The following VRK2 variants were observed in gnomAD, a reference collection of about 807,000 sequenced individuals.
VRK2 encodes the protein serine/threonine-protein kinase VRK2.
Under a neutral mutation model 57.6 loss-of-function variants are expected in VRK2, and 60 were observed. The observed-to-expected ratio is 1.04, with a 90% CI of 0.85 to 1.29. The LOEUF is 1.29. Among genes scored for constraint, VRK2 ranks in the 50% most tolerant of loss-of-function variants. The pLI, the probability that VRK2 is intolerant of heterozygous loss-of-function variation, is 0.00. For synonymous variants in VRK2, 231 were observed against 199.2 expected, an observed-to-expected ratio of 1.16 and a Z score of -1.35; for missense variants, 705 against 588.1, an observed-to-expected ratio of 1.20 and a Z score of -2.06.
At chr2:58,056,012 T>C (rs1318456268) in intron 2 of VRK2, among the ~76,000 whole-genome samples, 1 of 151,694 alleles carries the variant, frequency 6.6e-6, no homozygotes, top group African/African-American at 2.4e-5. Flanking sequence ...TCTTGAATAA[T>C]GGATTTTGCA....
upstream of VRK2, among the ~76,000 whole-genome samples, chr2:58,044,076 GTTTCAAGTAAATTTT>G (rs1674575649): frequency 6.6e-6 from 1 of 152,186 alleles, no homozygotes; most frequent in Non-Finnish European, 1.5e-5. Flanking sequence ...TGTATGATCA[GTTTCAAGTAAATTTT>G]TACATGGGGT....
chr2:57,982,099 T>C (rs1672438182), intron 1 of VRK2, among the ~76,000 whole-genome samples: 1 of 152,138 alleles, frequency 6.6e-6, no homozygotes, highest in South Asian at 2.1e-4. Context: ...GGTTTGACTG[T>C]GGTATAAGTT....
chr2:57,912,458 A>C (rs1040225), intron 1 of VRK2, among the ~76,000 whole-genome samples: 1 of 151,758 alleles, frequency 6.6e-6, no homozygotes, highest in African/African-American at 2.4e-5. Context: ...TAAAACTTGA[A>C]GATAGAGTGA....
intron 1 of VRK2, among the ~76,000 whole-genome samples, chr2:57,933,247 G>A (rs1190475513): frequency 1.4e-5 from 2 of 139,096 alleles, no homozygotes; most frequent in Non-Finnish European, 3.1e-5. Context: ...TCCATTTATT[G>A]TTGAAAGTTG....
At chr2:58,086,287 AG>A (rs780094600) in intron 4 of VRK2, 51 bp from the exon 5 acceptor site, 9 of 1,477,598 alleles carry the variant, frequency 6.1e-6, no homozygotes, top group Non-Finnish European at 8.4e-6. Flanking sequence ...AAAGGTGACA[AG>A]TATCTTTTCA....
intron 7 of VRK2, among the ~76,000 whole-genome samples, chr2:58,097,426 A>T (rs920392095): frequency 6.6e-6 from 1 of 151,934 alleles, no homozygotes; most frequent in Non-Finnish European, 1.5e-5. Flanking sequence ...GGGGAGAGGG[A>T]CTATTTATGA....
intron 2 of VRK2, among the ~76,000 whole-genome samples, chr2:58,062,000 CTGTGT>C (rs1361252128): frequency 6.6e-6 from 1 of 152,050 alleles, no homozygotes; most frequent in Non-Finnish European, 1.5e-5. Flanking sequence ...TTTGCAGATA[CTGTGT>C]TTTTTTACAC....
intron 1 of VRK2, among the ~76,000 whole-genome samples, chr2:57,973,187 A>G (rs1672147730): frequency 6.6e-6 from 1 of 151,884 alleles, no homozygotes; most frequent in Non-Finnish European, 1.5e-5. Flanking sequence ...ACAGTTGTCA[A>G]ACTTTTGGAT....
chr2:57,929,979 G>T (rs1418408830), intron 1 of VRK2, among the ~76,000 whole-genome samples: 1 of 151,942 alleles, frequency 6.6e-6, no homozygotes, highest in African/African-American at 2.4e-5. Flanking sequence ...CTCTCCTCAA[G>T]CAGAGGACAG....
At chr2:58,134,568 G>T (rs1386600262) in intron 9 of VRK2, among the ~76,000 whole-genome samples, 2 of 141,554 alleles carry the variant, frequency 1.4e-5, no homozygotes, top group Non-Finnish European at 3.0e-5. Flanking sequence ...CCGAGATTGC[G>T]CCACTGCAGT....
intron 3 of VRK2, among the ~76,000 whole-genome samples, chr2:58,040,748 A>G: frequency 6.6e-6 from 1 of 152,214 alleles, no homozygotes; most frequent in East Asian, 1.9e-4. Context: ...GCTATGTGTC[A>G]ACAGTAGATA....
At chr2:58,075,549 T>C (rs1192420093) in intron 2 of VRK2, among the ~76,000 whole-genome samples, 7 of 152,314 alleles carry the variant, frequency 4.6e-5, no homozygotes, top group Admixed American at 3.3e-4. Context: ...CCAACATCTA[T>C]TGTTTTTTGA....
At chr2:57,955,403 A>G (rs1337959419) in intron 1 of VRK2, among the ~76,000 whole-genome samples, 1 of 152,142 alleles carries the variant, frequency 6.6e-6, no homozygotes, top group African/African-American at 2.4e-5. Context: ...CCTAAATCCC[A>G]CTGATAATGA....
chr2:58,154,738 C>G (rs1683537409), intron 12 of VRK2: 1 of 716,798 alleles, frequency 1.4e-6, no homozygotes, highest in African/African-American at 1.8e-5. Flanking sequence ...GGTGTATTTT[C>G]TTCCCTTTTT....
upstream of VRK2, among the ~76,000 whole-genome samples, chr2:58,044,134 C>CT (rs956348587): frequency 9.9e-5 from 15 of 151,972 alleles, no homozygotes; most frequent in African/African-American, 2.2e-4. Flanking sequence ...TTTCTTTCTT[C>CT]TTTTTTTTGT....
At chr2:57,962,854 T>C (rs925839621) in intron 1 of VRK2, among the ~76,000 whole-genome samples, 3 of 152,226 alleles carry the variant, frequency 2.0e-5, no homozygotes, top group African/African-American at 7.2e-5. Context: ...GAGGATAATT[T>C]ACACCTATAA....
chr2:57,969,462 T>A (rs1672025477), intron 1 of VRK2, among the ~76,000 whole-genome samples: 1 of 151,958 alleles, frequency 6.6e-6, no homozygotes, highest in Admixed American at 6.6e-5. Context: ...TTTAAAAAAA[T>A]AACAATTTAG....
At chr2:58,086,048 G>C (rs1313144377) in intron 4 of VRK2, among the ~76,000 whole-genome samples, 1 of 149,306 alleles carries the variant, frequency 6.7e-6, no homozygotes, top group Non-Finnish European at 1.5e-5. Context: ...AATTTAGCTA[G>C]TATATAAGAT....
intron 1 of VRK2, among the ~76,000 whole-genome samples, chr2:57,922,234 A>T (rs974035656): frequency 1.3e-5 from 2 of 152,042 alleles, no homozygotes; most frequent in South Asian, 2.1e-4. Context: ...GAAAGAAATT[A>T]AAAAAACAGG....
Sources: allele counts gnomAD v4.1 joint callset (sites outside exome capture counted in the v4.1 genomes callset), GRCh38; gene constraint gnomAD v4.1.1; transcripts MANE v1.5; gene names NCBI Gene and HGNC (gene_info 2026-07-23, HGNC 2026-07-21).